FKBP14: variants seen among roughly 807,000 people sequenced by gnomAD.
FKBP14 encodes the protein peptidyl-prolyl cis-trans isomerase FKBP14.
FKBP14 carries 20 observed loss-of-function variants against 21.6 expected under a neutral mutation model. That is an observed-to-expected ratio of 0.92 (90% CI 0.65 to 1.34). FKBP14 has a LOEUF of 1.34. FKBP14 is among the 40% of genes most tolerant of loss of function. The probability of loss-of-function intolerance (pLI) is 0.00; values close to 1 mark genes in which losing one functional copy is unlikely to be tolerated. For missense variants in FKBP14, 253 were observed against 249.0 expected (o/e 1.02, Z -0.11); for synonymous variants, 79 against 86.7 (o/e 0.91, Z 0.49).
downstream of FKBP14, among the ~76,000 whole-genome samples, chr7:30,010,177 CAG>C: frequency 1.3e-5 from 2 of 152,230 alleles, no homozygotes; most frequent in East Asian, 3.9e-4. Flanking sequence ...TTCGTTTAAT[CAG>C]AGGGTATTTT....
intron 3 of FKBP14, among the ~76,000 whole-genome samples, chr7:30,017,868 C>T (rs1367458169): frequency 6.6e-6 from 1 of 151,994 alleles, no homozygotes; most frequent in East Asian, 1.9e-4. Flanking sequence ...CAAAAATCAG[C>T]CAGGCATGAT....
At chr7:30,006,120 T>C (rs1015630714), downstream of FKBP14, among the ~76,000 whole-genome samples, 198 of 145,652 alleles carry the variant, frequency 1.4e-3, 1 homozygote, top group Non-Finnish European at 2.3e-3. Context: ...GATAGTCTTT[T>C]TTTTTTTTTT....
At chr7:30,022,636 T>C in intron 2 of FKBP14, 29 bp downstream of exon 2, 1 of 1,600,230 alleles carries the variant, frequency 6.2e-7, no homozygotes, top group Non-Finnish European at 8.5e-7. Context: ...TCTAGTGCTA[T>C]AGTAAGAAAA....
At chr7:30,021,055 A>G (rs964509537) in intron 2 of FKBP14, among the ~76,000 whole-genome samples, 5 of 152,220 alleles carry the variant, frequency 3.3e-5, no homozygotes, top group Non-Finnish European at 5.9e-5. Flanking sequence ...TATGAAGTCT[A>G]TATTTATACT....
At chr7:30,017,325 C>T (rs1201253055) in intron 3 of FKBP14, among the ~76,000 whole-genome samples, 1 of 152,156 alleles carries the variant, frequency 6.6e-6, no homozygotes, top group Non-Finnish European at 1.5e-5. Context: ...AATCCCAGCA[C>T]TTTGGGAGGC....
chr7:30,011,896 G>A lies in FKBP14; in HGVS notation c.*2839C>T, dbSNP rs1041022632. ...AAATCTTTTATACCATATTGTTATT[G>A]TTGTAGTATCTTTTCTGTGTTTAGA... On this transcript the variant is annotated 3_prime_UTR_variant, in exon 4 of 4. Transcript: ENST00000222803. 5 of 152,034 alleles carry A rather than the reference G, an allele frequency of 3.3e-5. No individual in the cohort carries two copies. Among genetic ancestry groups the A allele is most frequent in the African/African-American group, 9.7e-5 (4 of 41,384 alleles). The allele number at this position is 152,034 out of a possible 1,614,324, so 9.4% of individuals were successfully genotyped here. A position where few individuals can be genotyped will look rare whatever the true frequency, so the allele number is the denominator to read the frequency against.
intron 2 of FKBP14, chr7:30,020,241 T>G: frequency 7.9e-7 from 1 of 1,259,030 alleles, no homozygotes; most frequent in Admixed American, 2.8e-5. Context: ...AGATGTGACA[T>G]GCGCTAGGTT....
At chr7:30,017,277 A>G (rs1789913795) in intron 3 of FKBP14, among the ~76,000 whole-genome samples, 1 of 152,112 alleles carries the variant, frequency 6.6e-6, no homozygotes, top group Admixed American at 6.5e-5. Context: ...TTTTAAAAAT[A>G]TGTAAATAAT....
At chr7:30,006,020 AT>A (rs984501744), downstream of FKBP14, among the ~76,000 whole-genome samples, 3 of 152,106 alleles carry the variant, frequency 2.0e-5, no homozygotes, top group African/African-American at 7.2e-5. Context: ...TTGGTACAAA[AT>A]TACACAGTGT....
chr7:30,015,243 A>G (rs1181872874), intron 3 of FKBP14, among the ~76,000 whole-genome samples: 1 of 151,722 alleles, frequency 6.6e-6, no homozygotes, highest in African/African-American at 2.4e-5. Context: ...ATGAAAGCCC[A>G]TCTCCACTAA....
chr7:30,010,150 T>C (rs937104421), downstream of FKBP14, among the ~76,000 whole-genome samples: 1 of 152,206 alleles, frequency 6.6e-6, no homozygotes, highest in African/African-American at 2.4e-5. Context: ...CTCGTTATTT[T>C]CATGGCAACC....
At chr7:30,021,156 T>C (rs927063590) in intron 2 of FKBP14, among the ~76,000 whole-genome samples, 1 of 152,216 alleles carries the variant, frequency 6.6e-6, no homozygotes, top group Non-Finnish European at 1.5e-5. Flanking sequence ...GTAGAGCACA[T>C]ACTTGGATGA....
At chr7:30,018,407 A>G (rs1421326223) in intron 3 of FKBP14, among the ~76,000 whole-genome samples, 2 of 152,240 alleles carry the variant, frequency 1.3e-5, no homozygotes, top group African/African-American at 2.4e-5. Context: ...CCGAATTATA[A>G]GGAGAAGCCT....
At chr7:30,023,594 C>T (rs1790093096) in intron 1 of FKBP14, among the ~76,000 whole-genome samples, 1 of 152,110 alleles carries the variant, frequency 6.6e-6, no homozygotes, top group South Asian at 2.1e-4. Flanking sequence ...TGTGTTAGTC[C>T]ATTTTCATAC....
chr7:30,022,438 A>C (rs1790055552), intron 2 of FKBP14: 1 of 419,978 alleles, frequency 2.4e-6, no homozygotes, highest in Non-Finnish European at 4.2e-6. Context: ...GTATTAATAG[A>C]CCTCAATGTT....
At chr7:30,006,586 A>G (rs1262937523), downstream of FKBP14, among the ~76,000 whole-genome samples, 1 of 152,120 alleles carries the variant, frequency 6.6e-6, no homozygotes, top group Non-Finnish European at 1.5e-5. Flanking sequence ...ACAAAAATGT[A>G]TTTATTGACC....
At chr7:30,017,070 T>A (rs2127947415) in intron 3 of FKBP14, among the ~76,000 whole-genome samples, 1 of 152,118 alleles carries the variant, frequency 6.6e-6, no homozygotes, top group East Asian at 1.9e-4. Flanking sequence ...AATAAGACTA[T>A]GTATTTGGAT....
chr7:30,026,628 C>G lies in FKBP14; in HGVS notation c.-120G>C, dbSNP rs900351344. On this transcript the variant is annotated 5_prime_UTR_variant, in exon 1 of 4. Coordinates refer to ENST00000222803, the MANE Select transcript of FKBP14 (RefSeq NM_017946.4). Reference sequence around the variant, plus strand: ...GCTTCAGACAAGTTCAGGACTCCCCCTTCTTAGAAGACGTGGCACATTTAC... The same window carrying G: ...GCTTCAGACAAGTTCAGGACTCCCCGTTCTTAGAAGACGTGGCACATTTAC... 4.8e-6 allele frequency: 4 copies of G among 838,094 alleles called. No homozygotes were observed. The African/African-American group carries it at 6.9e-5, about 14-fold the overall frequency. The allele number at this position is 838,094 out of a possible 1,614,324, so 51.9% of individuals were successfully genotyped here.
intron 1 of FKBP14, 49 bp downstream of exon 1, chr7:30,026,263 G>C: frequency 6.5e-7 from 1 of 1,527,902 alleles, no homozygotes; most frequent in Non-Finnish European, 8.9e-7. Flanking sequence ...GCTGGCATAA[G>C]TGAGTGGATT....
Sources: allele counts gnomAD v4.1 joint callset (sites outside exome capture counted in the v4.1 genomes callset), GRCh38; gene constraint gnomAD v4.1.1; transcripts MANE v1.5; gene names NCBI Gene and HGNC (gene_info 2026-07-23, HGNC 2026-07-21).